ANO5: variants seen among roughly 807,000 people sequenced by gnomAD.
ANO5 encodes the protein anoctamin 5.
ANO5 carries 109 observed loss-of-function variants against 121.0 expected under a neutral mutation model. That is an observed-to-expected ratio of 0.90 (90% CI 0.77 to 1.06). The LOEUF (loss-of-function observed/expected upper bound fraction) is 1.06, where lower values mean the gene tolerates loss of function less well. ANO5 is among the 50% of genes least tolerant of loss of function. The probability of loss-of-function intolerance (pLI) is 0.00; values close to 1 mark genes in which losing one functional copy is unlikely to be tolerated. For missense variants in ANO5, 1,064 were observed against 1,078.5 expected (o/e 0.99, Z 0.19); for synonymous variants, 406 against 359.9 (o/e 1.13, Z -1.45).
At chr11:22,236,869 T>G (rs796254683) in intron 8 of ANO5, among the ~76,000 whole-genome samples, 7 of 152,304 alleles carry the variant, frequency 4.6e-5, no homozygotes, top group African/African-American at 1.7e-4. Flanking sequence ...GAACGTTTTT[T>G]GGGGGCTGGC....
chr11:22,230,874 G>T (rs1853017680), intron 7 of ANO5, among the ~76,000 whole-genome samples: 1 of 151,940 alleles, frequency 6.6e-6, no homozygotes, highest in Non-Finnish European at 1.5e-5. Flanking sequence ...CTTTGAATCT[G>T]TCCACTTCTA....
In ANO5 at chr11:22,227,518, C is replaced by T; in HGVS notation, c.580C>T (p.His194Tyr). ...ATATTTTACTGCACAATTCAGCAGA[C>T]ATCGGCAGGAGCTCTTCCTCATCGA... ...PEYFTAQFSR[H>Y]RQELFLIEDQ... The change falls in exon 7 of 22, where the codon CAT becomes TAT. Residue 194 changes from histidine to tyrosine, a missense_variant. Coordinates refer to ENST00000324559, the MANE Select transcript of ANO5 (RefSeq NM_213599.3). The T allele has an allele frequency of 6.2e-7, 1 of 1,613,582 alleles. No individual in the cohort carries two copies. Among genetic ancestry groups the T allele is most frequent in the Non-Finnish European group, 8.5e-7 (1 of 1,179,746 alleles).
At chr11:22,223,880 T>C (rs10766927) in intron 5 of ANO5, among the ~76,000 whole-genome samples, 101,474 of 151,262 alleles carry the variant, frequency 0.67, 36,141 homozygotes, top group Non-Finnish European at 0.81. Context: ...ACTATTTCTC[T>C]ATTTTTTTTC....
intron 1 of ANO5, among the ~76,000 whole-genome samples, chr11:22,203,074 C>A (rs564304633): frequency 1.3e-5 from 2 of 152,082 alleles, no homozygotes; most frequent in East Asian, 1.9e-4. Context: ...CAGTTTCATT[C>A]GCCAGTTTTT....
Position 22,235,546 on chromosome 11 carries a change from TAGAA to T in ANO5, c.649-612_649-609del, listed in dbSNP as rs760700177. Among the ~76,000 whole-genome samples, 339 of 151,922 alleles carry T rather than the reference TAGAA, an allele frequency of 2.2e-3. 2 individuals carry two copies. The highest frequency in any genetic ancestry group is 7.5e-3 in the African/African-American group (312 of 41,448). On this transcript the variant is annotated intron_variant, in intron 7 of 21. Transcript: ENST00000324559. ...TGCTGAAAAAAACAAATTTAGCAAT[TAGAA>T]AGAAGAAATTTTGAAAAGTTGTTGG... is the stretch of plus-strand genomic sequence containing the variant.
chr11:22,194,127 C>T (rs1851737973), intron 1 of ANO5, among the ~76,000 whole-genome samples: 1 of 152,186 alleles, frequency 6.6e-6, no homozygotes, highest in South Asian at 2.1e-4. Flanking sequence ...TGTTGCTTTT[C>T]AACAGCTTTC....
intron 1 of ANO5, 50 bp downstream of exon 1, chr11:22,193,582 A>AC: frequency 6.3e-7 from 1 of 1,590,264 alleles, no homozygotes; most frequent in African/African-American, 1.3e-5. Context: ...GGCTGCCTGC[A>AC]CCCCTCCACC....
intron 17 of ANO5, among the ~76,000 whole-genome samples, chr11:22,269,286 G>C (rs1367237278): frequency 2.1e-5 from 1 of 47,338 alleles, no homozygotes; most frequent in Non-Finnish European, 4.2e-5. Flanking sequence ...GGGAAGAGAA[G>C]GGAAGAAGGA....
intron 6 of ANO5, among the ~76,000 whole-genome samples, chr11:22,226,771 A>G (rs973158646): frequency 6.6e-6 from 1 of 152,136 alleles, no homozygotes; most frequent in Non-Finnish European, 1.5e-5. Context: ...CAGTGAACTA[A>G]TAAATTATTA....
At chr11:22,203,444 C>T (rs540160880) in intron 1 of ANO5, among the ~76,000 whole-genome samples, 4 of 152,110 alleles carry the variant, frequency 2.6e-5, no homozygotes, top group Non-Finnish European at 4.4e-5. Context: ...TATGAAATCT[C>T]ATGTGGTGAG....
At chr11:22,272,517 G>C (rs1295486579) in intron 18 of ANO5, among the ~76,000 whole-genome samples, 1 of 152,134 alleles carries the variant, frequency 6.6e-6, no homozygotes, top group East Asian at 1.9e-4. Context: ...AAGAGGAATA[G>C]AATCTTCCTT....
chr11:22,280,013 G>T lies in ANO5; in HGVS notation c.*248G>T. 2.0e-6 allele frequency: 1 copy of T among 489,576 alleles called. No homozygotes were observed. Among genetic ancestry groups the T allele is most frequent in the South Asian group, 2.4e-5 (1 of 40,970 alleles). 30.3% of individuals were successfully genotyped at this position (489,576 alleles called of 1,614,324 possible). On this transcript the variant is annotated 3_prime_UTR_variant, in exon 22 of 22. Coordinates refer to ENST00000324559, the MANE Select transcript of ANO5 (RefSeq NM_213599.3). ...GTTTTCTGAGGTGCTGTAAATGACTGTTGAAAGTGCAGGTAGAATCAGAAT... is the reference window on the plus strand; with the variant it reads ...GTTTTCTGAGGTGCTGTAAATGACTTTTGAAAGTGCAGGTAGAATCAGAAT...
chr11:22,263,722 G>A (rs1038555339), intron 17 of ANO5, among the ~76,000 whole-genome samples: 3 of 152,174 alleles, frequency 2.0e-5, no homozygotes, highest in Non-Finnish European at 2.9e-5. Flanking sequence ...ACTGTGTCAG[G>A]GTTTGGCATG....
intron 7 of ANO5, among the ~76,000 whole-genome samples, chr11:22,228,031 T>G (rs1272337600): frequency 6.6e-6 from 1 of 152,210 alleles, no homozygotes; most frequent in South Asian, 2.1e-4. Context: ...AACTTTTTTT[T>G]CCCTTCATTT....
At chr11:22,197,534 T>G (rs1490803926) in intron 1 of ANO5, among the ~76,000 whole-genome samples, 1 of 152,152 alleles carries the variant, frequency 6.6e-6, no homozygotes, top group Non-Finnish European at 1.5e-5. Flanking sequence ...CGTTAGGTTG[T>G]TTGCATCTTT....
rs1159245208 is a variant in ANO5 at position 22,243,694 on chromosome 11, T to C, written c.878+4010T>C. 2.0e-5 allele frequency among the ~76,000 whole-genome samples: 3 copies of C among 152,204 alleles called. No individual in the cohort carries two copies. In the South Asian group the frequency reaches 6.2e-4, roughly 32 times the overall value. On this transcript the variant is annotated intron_variant, in intron 9 of 21. Transcript: ENST00000324559. ...TTTATTCATTTCCTAGATTTTCTAA[T>C]TTATGTGCATAGAACTTTTCATAAT...
chr11:22,252,345 A>C (rs900115837), intron 12 of ANO5, among the ~76,000 whole-genome samples: 3 of 152,182 alleles, frequency 2.0e-5, no homozygotes, highest in Non-Finnish European at 1.5e-5. Flanking sequence ...GATTAAAACA[A>C]ATACATTGTG....
Position 22,193,249 on chromosome 11 carries a change from C to A in ANO5, c.-244C>A, listed in dbSNP as rs916458077. On this transcript the variant is annotated 5_prime_UTR_variant, in exon 1 of 22. Coordinates refer to ENST00000324559, the MANE Select transcript of ANO5 (RefSeq NM_213599.3). ...AGCGCGCGAAGCAGGTTGTGGGGGA[C>A]CGGGTCGAGTGGAAGTACCCGCCGG... 7.1e-6 allele frequency: 8 copies of A among 1,134,538 alleles called. No homozygotes were observed. The highest frequency in any genetic ancestry group is 1.7e-5 in the African/African-American group (1 of 57,384). 70.3% of individuals were successfully genotyped at this position (1,134,538 alleles called of 1,614,324 possible). A position where few individuals can be genotyped will look rare whatever the true frequency, so the allele number is the denominator to read the frequency against.
At position 22,236,245 on chromosome 11, in the gene ANO5, A is replaced by G. The variant is rs761648888; in HGVS notation, c.731A>G (p.Asn244Ser). 1.4e-5 allele frequency: 22 copies of G among 1,613,070 alleles called. No individual in the cohort carries two copies. Among genetic ancestry groups the G allele is most frequent in the Non-Finnish European group, 1.9e-5 (22 of 1,179,346 alleles). The part of the protein sequence containing the change: ...RFGIERLLNS[N>S]TYSSAYPLHD... ...GGGATTGAAAGACTGCTAAACTCTA[A>G]CACTTACTCATCTGCCTATCCACTC... is the stretch of plus-strand genomic sequence containing the variant. Residue 244 changes from asparagine to serine, a missense_variant, in exon 8 of 22, where the codon AAC becomes AGC. Coordinates refer to ENST00000324559, the MANE Select transcript of ANO5 (RefSeq NM_213599.3).
Sources: allele counts gnomAD v4.1 joint callset (sites outside exome capture counted in the v4.1 genomes callset), GRCh38; gene constraint gnomAD v4.1.1; transcripts MANE v1.5; gene names NCBI Gene and HGNC (gene_info 2026-07-23, HGNC 2026-07-21).